The following HPSE2 variants were observed in gnomAD, a reference collection of about 807,000 sequenced individuals.
HPSE2 encodes the protein heparanase 2 (inactive).
Under a neutral mutation model 60.5 loss-of-function variants are expected in HPSE2, and 38 were observed. That is an observed-to-expected ratio of 0.63 (90% CI 0.48 to 0.82). The LOEUF is 0.82. Among genes scored for constraint, HPSE2 ranks in the 40% least tolerant of loss-of-function variants. HPSE2 has a pLI of 0.00. For synonymous variants in HPSE2, 295 were observed against 293.2 expected (o/e 1.01, Z -0.06); for missense variants, 713 against 740.4 (o/e 0.96, Z 0.43).
chr10:99,213,644 G>C (rs1213336651), intron 2 of HPSE2, among the ~76,000 whole-genome samples: 2 of 141,100 alleles, frequency 1.4e-5, no homozygotes, highest in African/African-American at 5.2e-5. Context: ...CACGTTTTTA[G>C]AAAAAAAAAA....
intron 3 of HPSE2, among the ~76,000 whole-genome samples, chr10:99,072,164 T>C (rs1023219862): frequency 5.9e-5 from 9 of 152,124 alleles, no homozygotes; most frequent in African/African-American, 1.2e-4. Context: ...AGAGACTGCA[T>C]TGGGTAGTAT....
chr10:99,243,388 G>T, the HPSE2 span, among the ~76,000 whole-genome samples: 1 of 151,730 alleles, frequency 6.6e-6, no homozygotes, highest in Non-Finnish European at 1.5e-5. Flanking sequence ...AAATTTTCAA[G>T]TTGTTTCTTG....
intron 2 of HPSE2, among the ~76,000 whole-genome samples, chr10:99,169,547 A>G (rs1417501010): frequency 8.1e-6 from 1 of 123,562 alleles, no homozygotes; most frequent in Non-Finnish European, 1.7e-5. Context: ...AAAAAAAAAA[A>G]AAGTCCTGAC....
intron 3 of HPSE2, among the ~76,000 whole-genome samples, chr10:98,897,684 A>G (rs966432873): frequency 6.6e-6 from 1 of 152,092 alleles, no homozygotes; most frequent in African/African-American, 2.4e-5. Context: ...CAGATCTCAT[A>G]CCCTTCACAA....
intron 5 of HPSE2, among the ~76,000 whole-genome samples, chr10:98,712,689 A>G (rs1201740710): frequency 1.3e-5 from 2 of 152,100 alleles, no homozygotes; most frequent in Non-Finnish European, 2.9e-5. Flanking sequence ...TCCTGCTTCT[A>G]TCTCCTTTGC....
chr10:98,895,100 C>CCATA (rs1953446487), intron 3 of HPSE2, among the ~76,000 whole-genome samples: 3 of 151,932 alleles, frequency 2.0e-5, no homozygotes, highest in African/African-American at 7.3e-5. Context: ...GGAGTGTTTA[C>CCATA]CATACCATAC....
intron 3 of HPSE2, among the ~76,000 whole-genome samples, chr10:99,030,816 T>A (rs1957482164): frequency 6.6e-6 from 1 of 152,170 alleles, no homozygotes; most frequent in African/African-American, 2.4e-5. Context: ...AAGACTGAGA[T>A]CTAGTCATCT....
intron 3 of HPSE2, among the ~76,000 whole-genome samples, chr10:99,055,207 A>T (rs1421229528): frequency 6.6e-6 from 1 of 152,244 alleles, no homozygotes; most frequent in African/African-American, 2.4e-5. Context: ...AGACAAAGAC[A>T]TTCGAGCAGC....
intron 9 of HPSE2, among the ~76,000 whole-genome samples, chr10:98,569,888 C>G (rs1024817459): frequency 3.3e-5 from 5 of 152,320 alleles, no homozygotes; most frequent in Non-Finnish European, 5.9e-5. Context: ...CCTGGGTCCT[C>G]CAACTCCCAA....
chr10:98,697,086 G>A (rs1177266120), intron 5 of HPSE2, among the ~76,000 whole-genome samples: 1 of 152,204 alleles, frequency 6.6e-6, no homozygotes, highest in Admixed American at 6.5e-5. Context: ...AGGCCAGAGT[G>A]CCTCTTCTCC....
chr10:98,581,806 G>A (rs1944806101), intron 9 of HPSE2, among the ~76,000 whole-genome samples: 1 of 152,186 alleles, frequency 6.6e-6, no homozygotes, highest in South Asian at 2.1e-4. Context: ...TCTTTTGTTG[G>A]TTCTAACTTC....
At chr10:98,925,364 C>CT (rs111785284) in intron 3 of HPSE2, among the ~76,000 whole-genome samples, 12,017 of 147,190 alleles carry the variant, frequency 0.082, 802 homozygotes, top group East Asian at 0.19. Context: ...TTTTAATTGG[C>CT]TTTTTTTTTT....
the HPSE2 span, among the ~76,000 whole-genome samples, chr10:99,300,028 C>CAA: frequency 0.021 from 2,729 of 131,204 alleles, 37 homozygotes; most frequent in African/African-American, 0.036. Flanking sequence ...GAGGGAGAGG[C>CAA]AAAAAAAAAA....
At position 98,540,031 on chromosome 10, in the gene HPSE2, C is replaced by T. The variant is rs142560130; in HGVS notation, c.1321-49835G>A. Among the ~76,000 whole-genome samples the T allele has an allele frequency of 4.3e-4, 66 of 152,362 alleles. 2 individuals carry two copies. The East Asian group carries it at 0.011, about 26-fold the overall frequency. ...CAGCAGTATTACCTGGGGTAAGCCA[C>T]TTACACATTCTGGGTCTCAATTTCT... is the stretch of plus-strand genomic sequence containing the variant. On this transcript the variant is annotated intron_variant, in intron 9 of 11. Transcript: ENST00000370552.
At chr10:98,488,296 G>C (rs1042025809) in intron 10 of HPSE2, among the ~76,000 whole-genome samples, 1 of 152,194 alleles carries the variant, frequency 6.6e-6, no homozygotes, top group Non-Finnish European at 1.5e-5. Flanking sequence ...GGGGAAGAAA[G>C]CTCTAACTCT....
intron 3 of HPSE2, among the ~76,000 whole-genome samples, chr10:98,931,992 CTTCCAGCACT>C (rs1954654075): frequency 7.0e-6 from 1 of 143,826 alleles, no homozygotes. Flanking sequence ...CTGGCCAGAA[CTTCCAGCACT>C]TGGTTGAAAA....
intron 2 of HPSE2, among the ~76,000 whole-genome samples, chr10:99,192,636 C>A (rs1465260757): frequency 1.3e-5 from 2 of 152,088 alleles, no homozygotes; most frequent in African/African-American, 4.8e-5. Context: ...TGGTGTTTCA[C>A]CATTTCCCAA....
chr10:98,781,362 A>G (rs1431172583), intron 3 of HPSE2, among the ~76,000 whole-genome samples: 3 of 150,598 alleles, frequency 2.0e-5, no homozygotes, highest in Non-Finnish European at 4.4e-5. Context: ...AATGAAAAAG[A>G]ACTGAACACT....
chr10:99,275,758 A>G, the HPSE2 span, among the ~76,000 whole-genome samples: 1 of 152,132 alleles, frequency 6.6e-6, no homozygotes, highest in African/African-American at 2.4e-5. Flanking sequence ...CAACAAAATG[A>G]TTGTAGTGTT....
Sources: allele counts gnomAD v4.1 joint callset (sites outside exome capture counted in the v4.1 genomes callset), GRCh38; gene constraint gnomAD v4.1.1; transcripts MANE v1.5; gene names NCBI Gene and HGNC (gene_info 2026-07-23, HGNC 2026-07-21).